RYR2: variants seen among roughly 807,000 people sequenced by gnomAD.
RYR2 encodes the protein ryanodine receptor 2.
Under a neutral mutation model 601.1 loss-of-function variants are expected in RYR2, and 227 were observed. The observed-to-expected ratio is 0.38, with a 90% CI of 0.34 to 0.42. RYR2 has a LOEUF of 0.42. Ranked by LOEUF, RYR2 falls within the 10% of genes least tolerant of loss-of-function variation. The pLI, the probability that RYR2 is intolerant of heterozygous loss-of-function variation, is 1.00. For synonymous variants in RYR2, 2,223 were observed against 2,175.1 expected, an observed-to-expected ratio of 1.02 and a Z score of -0.61; for missense variants, 4,646 against 6,156.5, an observed-to-expected ratio of 0.75 and a Z score of 8.21.
At chr1:237,242,782 T>C (rs1572333353) in intron 1 of RYR2, among the ~76,000 whole-genome samples, 1 of 152,324 alleles carries the variant, frequency 6.6e-6, no homozygotes, top group East Asian at 1.9e-4. Flanking sequence ...ATTTGAAAGT[T>C]GTCAATGCTG....
At chr1:237,667,514 A>G (rs1384735996) in intron 57 of RYR2, among the ~76,000 whole-genome samples, 1 of 152,212 alleles carries the variant, frequency 6.6e-6, no homozygotes, top group Non-Finnish European at 1.5e-5. Flanking sequence ...TCCATCTAAC[A>G]TTCTCCATAT....
At chr1:237,667,823 T>TA in intron 57 of RYR2, 60 bp from the exon 58 acceptor site, 1 of 1,256,612 alleles carries the variant, frequency 8.0e-7, no homozygotes, top group Non-Finnish European at 1.1e-6. Context: ...TATTATATAT[T>TA]AGAAAGCAAT....
chr1:237,276,790 T>C (rs1390481837), intron 2 of RYR2, among the ~76,000 whole-genome samples: 2 of 152,176 alleles, frequency 1.3e-5, no homozygotes, highest in African/African-American at 4.8e-5. Context: ...AACAGACCAA[T>C]TATCATAAAA....
chr1:237,458,149 C>T lies in RYR2; in HGVS notation c.1612+1414C>T, dbSNP rs112176792. The stretch of plus-strand genomic sequence containing the variant: ...GTCTTTTAAAGTTACTCTTGATAAC[C>T]GGGCACAGTGGCTGACACCTGTAAT... On this transcript the variant is annotated intron_variant, in intron 16 of 104. Coordinates refer to ENST00000366574, the MANE Select transcript of RYR2 (RefSeq NM_001035.3). 7.6e-3 allele frequency among the ~76,000 whole-genome samples: 1,160 copies of T among 152,218 alleles called. 6 individuals carry two copies. The highest frequency in any genetic ancestry group is 0.013 in the Admixed American group (197 of 15,262).
intron 48 of RYR2, 33 bp downstream of exon 48, chr1:237,643,480 A>T: frequency 1.2e-6 from 2 of 1,613,460 alleles, no homozygotes; most frequent in Non-Finnish European, 1.7e-6. Context: ...CTAATTCAGT[A>T]GGATGTTGGA....
chr1:237,095,977 T>A (rs1667466438), intron 1 of RYR2, among the ~76,000 whole-genome samples: 1 of 152,210 alleles, frequency 6.6e-6, no homozygotes, highest in African/African-American at 2.4e-5. Context: ...CTAGAATAGT[T>A]TTCATTTCTC....
At chr1:237,692,985 G>GATGA (rs377020033) in intron 63 of RYR2, among the ~76,000 whole-genome samples, 22 of 152,244 alleles carry the variant, frequency 1.4e-4, no homozygotes, top group African/African-American at 5.1e-4. Flanking sequence ...ATGAATATAT[G>GATGA]ATGAATGAAT....
chr1:237,507,452 T>C (rs1665386132), intron 23 of RYR2, among the ~76,000 whole-genome samples: 1 of 152,230 alleles, frequency 6.6e-6, no homozygotes, highest in African/African-American at 2.4e-5. Flanking sequence ...TTCATTTGTA[T>C]GATATATTCT....
chr1:237,651,539 G>C lies in RYR2; in HGVS notation c.7824+38G>C, dbSNP rs745942261. 3.4e-5 allele frequency: 43 copies of C among 1,273,004 alleles called. No homozygotes were observed. The African/African-American group carries it at 5.5e-4, about 16-fold the overall frequency. The allele number at this position is 1,273,004 out of a possible 1,614,324, so 78.9% of individuals were successfully genotyped here. A position where few individuals can be genotyped will look rare whatever the true frequency, so the allele number is the denominator to read the frequency against. ...AATGTTTGTAGATATTTGATTACTG[G>C]CTTCTCTGACTTTATTTTCTATGAC... On this transcript the variant is annotated intron_variant, in intron 51 of 104. Coordinates refer to ENST00000366574, the MANE Select transcript of RYR2 (RefSeq NM_001035.3).
intron 10 of RYR2, among the ~76,000 whole-genome samples, chr1:237,400,697 C>T (rs1300475136): frequency 6.6e-6 from 1 of 151,940 alleles, no homozygotes; most frequent in Non-Finnish European, 1.5e-5. Context: ...TTCACACCAA[C>T]CTCCCCACTC....
chr1:237,229,756 C>T (rs990693316), intron 1 of RYR2, among the ~76,000 whole-genome samples: 12 of 152,138 alleles, frequency 7.9e-5, no homozygotes, highest in African/African-American at 2.9e-4. Flanking sequence ...CAAAACACAA[C>T]AGAATAAAAA....
chr1:237,117,682 C>CTTCTCTTCTCTTCTCTT (rs2148626025), intron 1 of RYR2, among the ~76,000 whole-genome samples: 1 of 41,618 alleles, frequency 2.4e-5, no homozygotes, highest in Admixed American at 2.2e-4. Context: ...CTTCTCTTCT[C>CTTCTCTTCTCTTCTCTT]TTCTCTTCTC....
At chr1:237,674,260 G>C (rs746285760) in intron 59 of RYR2, 41 bp downstream of exon 59, 1 of 1,491,038 alleles carries the variant, frequency 6.7e-7, no homozygotes, top group Non-Finnish European at 9.3e-7. Context: ...CTTTTCACAA[G>C]AGTGAATATT....
chr1:237,803,707 C>T (rs774966528), intron 98 of RYR2, among the ~76,000 whole-genome samples: 1 of 152,174 alleles, frequency 6.6e-6, no homozygotes, highest in Non-Finnish European at 1.5e-5. Flanking sequence ...CTTCGGTCTA[C>T]AATTTTCTCT....
intron 1 of RYR2, among the ~76,000 whole-genome samples, chr1:237,262,245 GTTTTTTTTTTTTTT>G (rs386370106): frequency 1.1e-4 from 7 of 61,102 alleles, no homozygotes; most frequent in Admixed American, 9.1e-4. Flanking sequence ...GTTCTAAAGA[GTTTTTTTTTTTTTT>G]TTTTTTTTTT....
intron 65 of RYR2, 118 bp downstream of exon 65, chr1:237,700,585 CT>C: frequency 1.6e-6 from 1 of 616,850 alleles, no homozygotes; most frequent in Non-Finnish European, 2.9e-6. Flanking sequence ...GTTAAAATGC[CT>C]TTTTTATTGC....
chr1:237,092,526 T>C (rs1460308501), intron 1 of RYR2, among the ~76,000 whole-genome samples: 1 of 151,854 alleles, frequency 6.6e-6, no homozygotes, highest in Non-Finnish European at 1.5e-5. Context: ...TTTTTTTTTT[T>C]TTTTCCTTTT....
chr1:237,674,959 A>C, intron 60 of RYR2, 113 bp downstream of exon 60: 2 of 526,954 alleles, frequency 3.8e-6, no homozygotes, highest in Non-Finnish European at 6.8e-6. Flanking sequence ...GTATAAACCC[A>C]TCTATTCATC....
At chr1:237,545,222 A>T (rs1298347444) in intron 25 of RYR2, among the ~76,000 whole-genome samples, 1 of 152,276 alleles carries the variant, frequency 6.6e-6, no homozygotes, top group Non-Finnish European at 1.5e-5. Context: ...AAAACAATGT[A>T]GAAAATAAAG....
Sources: allele counts gnomAD v4.1 joint callset (sites outside exome capture counted in the v4.1 genomes callset), GRCh38; gene constraint gnomAD v4.1.1; transcripts MANE v1.5; gene names NCBI Gene and HGNC (gene_info 2026-07-23, HGNC 2026-07-21).